SNX31: variants seen among roughly 807,000 people sequenced by gnomAD.
SNX31 encodes the protein sorting nexin-31.
Under a neutral mutation model 65.4 loss-of-function variants are expected in SNX31, and 58 were observed. That is an observed-to-expected ratio of 0.89 (90% CI 0.72 to 1.10). SNX31 has a LOEUF of 1.10. SNX31 is among the 50% of genes least tolerant of loss of function. The pLI is 0.00. For missense variants in SNX31, 523 were observed against 529.7 expected (o/e 0.99, Z 0.12); for synonymous variants, 181 against 190.1 (o/e 0.95, Z 0.39).
At chr8:100,655,530 G>A (rs937457365) in intron 1 of SNX31, among the ~76,000 whole-genome samples, 13 of 152,134 alleles carry the variant, frequency 8.5e-5, no homozygotes, top group Non-Finnish European at 1.5e-4. Context: ...CTTTTGCTTG[G>A]CTCATTCTCT....
chr8:100,646,296 C>G (rs1819633724), intron 2 of SNX31, among the ~76,000 whole-genome samples: 1 of 152,022 alleles, frequency 6.6e-6, no homozygotes, highest in Admixed American at 6.6e-5. Context: ...GTTATGGTGG[C>G]AAATCAGGTT....
chr8:100,581,319 C>CTATATATATATATATA (rs1261112864), intron 12 of SNX31, among the ~76,000 whole-genome samples: 6 of 123,050 alleles, frequency 4.9e-5, no homozygotes, highest in African/African-American at 2.4e-4. Context: ...TTTTATATAT[C>CTATATATATATATATA]TATATCTATC....
At chr8:100,597,332 C>A (rs1296294805) in intron 9 of SNX31, among the ~76,000 whole-genome samples, 1 of 152,014 alleles carries the variant, frequency 6.6e-6, no homozygotes, top group East Asian at 1.9e-4. Flanking sequence ...ACCTCCGACT[C>A]CCTGGTTCAA....
rs1020459667 is a variant in SNX31, at chr8:100,610,329, G to A, written c.611+1671C>T. On this transcript the variant is annotated intron_variant, in intron 7 of 13. Transcript: ENST00000311812. The surrounding 1 kb of genome is among the most constrained non-coding windows in gnomAD (Gnocchi z 4.0). ...CCTTTGATCTCAGGTTTTATGAAGC[G>A]CACATGAGTGAAAATCTAAGCCCCA... 2.0e-5 allele frequency among the ~76,000 whole-genome samples: 3 copies of A among 150,000 alleles called. No homozygotes were observed. Among genetic ancestry groups the A allele is most frequent in the African/African-American group, 4.9e-5 (2 of 40,618 alleles).
chr8:100,576,603 T>A lies in SNX31; in HGVS notation c.1227+416A>T, dbSNP rs1813065514. Among the ~76,000 whole-genome samples, 1 of 152,208 alleles carries A rather than the reference T, an allele frequency of 6.6e-6. No homozygotes were observed. The highest frequency in any genetic ancestry group is 2.1e-4 in the South Asian group (1 of 4,830). On this transcript the variant is annotated intron_variant, in intron 13 of 13. Transcript: ENST00000311812. This position sits in a 1 kb window ranked among gnomAD's most constrained non-coding sequence, Gnocchi z 4.8. ...TCATTGATTGTGATTTTTTCTATTA[T>A]TATCTGCACAGCAGATCTAAATGCT...
rs572122803 is a variant in SNX31, at chr8:100,615,600, T to C, written c.432+2020A>G. On this transcript the variant is annotated intron_variant, in intron 5 of 13. Coordinates refer to ENST00000311812, the MANE Select transcript of SNX31 (RefSeq NM_152628.4). ...CGAAGTGAACTTACACAAATCTAAA[T>C]GGTATTGCCTGCTATACACCTAGGC... Among the ~76,000 whole-genome samples, 7 of 152,286 alleles carry C rather than the reference T, an allele frequency of 4.6e-5. No homozygotes were observed. The East Asian group carries it at 1.2e-3, about 25-fold the overall frequency.
In SNX31 at chr8:100,604,544, C is replaced by T. The variant is rs1206945292; in HGVS notation, c.681+3950G>A. On this transcript the variant is annotated intron_variant, in intron 8 of 13. Coordinates refer to ENST00000311812, the MANE Select transcript of SNX31 (RefSeq NM_152628.4). This position sits in a 1 kb window ranked among gnomAD's most constrained non-coding sequence, Gnocchi z 4.3. ...CCCCTCCACTCACCAAGCCATGGGCCCCGATGCAGGACTAGCCCCACCTGG... is the reference window on the plus strand; with the variant it reads ...CCCCTCCACTCACCAAGCCATGGGCTCCGATGCAGGACTAGCCCCACCTGG... Among the ~76,000 whole-genome samples, 1 of 152,240 alleles carries T rather than the reference C, an allele frequency of 6.6e-6. No individual in the cohort carries two copies. The highest frequency in any genetic ancestry group is 1.5e-5 in the Non-Finnish European group (1 of 68,050).
Position 100,600,391 on chromosome 8 carries a change from C to T in SNX31, c.732G>A (p.Arg244=), listed in dbSNP as rs778177317. 1 of 1,613,778 alleles carries T rather than the reference C, an allele frequency of 6.2e-7. No individual in the cohort carries two copies. The highest frequency in any genetic ancestry group is 8.5e-7 in the Non-Finnish European group (1 of 1,179,802). The change falls in exon 9 of 14, where the codon AGG becomes AGA. Residue 244 remains arginine, a synonymous_variant. Coordinates refer to ENST00000311812, the MANE Select transcript of SNX31 (RefSeq NM_152628.4). ...KGWAKPTQAQ[R]QKLEAFQKED... Reference sequence around the variant, plus strand: ...CTTTCTGGAAAGCTTCTAATTTCTGCCTCTGTGCCTGTGTGGGTTTGGCCC... The same window carrying T: ...CTTTCTGGAAAGCTTCTAATTTCTGTCTCTGTGCCTGTGTGGGTTTGGCCC...
intron 2 of SNX31, among the ~76,000 whole-genome samples, chr8:100,640,689 C>T (rs1249427738): frequency 2.0e-5 from 3 of 152,054 alleles, no homozygotes; most frequent in East Asian, 3.9e-4. Flanking sequence ...TCTTCATCCC[C>T]CCAACCCATA....
In SNX31 at chr8:100,573,061, A is replaced by G. The variant is rs1268076303; in HGVS notation, c.*804T>C. On this transcript the variant is annotated 3_prime_UTR_variant, in exon 14 of 14. Coordinates refer to ENST00000311812, the MANE Select transcript of SNX31 (RefSeq NM_152628.4). ...ATTACCATGAGAGAAATGAAGCTAG[A>G]TAAGGAAAAACCTTGTGAGAAAGTA... 6.6e-6 allele frequency: 1 copy of G among 152,618 alleles called. No homozygotes were observed. Among genetic ancestry groups the G allele is most frequent in the Non-Finnish European group, 1.5e-5 (1 of 68,036 alleles). 9.5% of individuals were successfully genotyped at this position (152,618 alleles called of 1,614,324 possible). A position where few individuals can be genotyped will look rare whatever the true frequency, so the allele number is the denominator to read the frequency against.
intron 4 of SNX31, chr8:100,619,887 G>A (rs1444000986): frequency 1.3e-5 from 2 of 152,220 alleles, no homozygotes; most frequent in African/African-American, 2.4e-5. Flanking sequence ...TCTGTGTTTG[G>A]AGACTGCTAT....
At chr8:100,577,313 T>C (rs1251542388) in intron 12 of SNX31, among the ~76,000 whole-genome samples, 1 of 152,246 alleles carries the variant, frequency 6.6e-6, no homozygotes, top group Non-Finnish European at 1.5e-5. Flanking sequence ...CATTAGTGGT[T>C]GCCTATGGAT....
chr8:100,618,553 C>T, intron 4 of SNX31: 1 of 555,648 alleles, frequency 1.8e-6, no homozygotes, highest in Non-Finnish European at 3.2e-6. Flanking sequence ...ACAAGACTAC[C>T]CCCTTCACAT....
Position 100,578,688 on chromosome 8 carries a change from TA to T in SNX31, c.1171-1614del, listed in dbSNP as rs1813246831. Among the ~76,000 whole-genome samples the T allele has an allele frequency of 1.7e-5, 2 of 117,798 alleles. No homozygotes were observed. Among genetic ancestry groups the T allele is most frequent in the Admixed American group, 1.0e-4 (1 of 9,830 alleles). 77.3% of individuals were successfully genotyped at this position (117,798 alleles called of 152,430 possible). On this transcript the variant is annotated intron_variant, in intron 12 of 13. Coordinates refer to ENST00000311812, the MANE Select transcript of SNX31 (RefSeq NM_152628.4). This position sits in a 1 kb window ranked among gnomAD's most constrained non-coding sequence, Gnocchi z 4.7. ...ATTTAAGCCTATTTCAATGATTTTT[TA>T]TTTTATTTTATTTTATTTTATTTTA... is the stretch of plus-strand genomic sequence containing the variant.
At chr8:100,579,382 C>G (rs769484180) in intron 12 of SNX31, among the ~76,000 whole-genome samples, 3 of 152,114 alleles carry the variant, frequency 2.0e-5, no homozygotes, top group Non-Finnish European at 4.4e-5. Flanking sequence ...TGCAGTATTC[C>G]TATACTTCCT....
intron 10 of SNX31, among the ~76,000 whole-genome samples, chr8:100,590,327 T>G (rs778921506): frequency 1.3e-5 from 2 of 152,212 alleles, no homozygotes; most frequent in African/African-American, 2.4e-5. Flanking sequence ...GTGTGGTAGC[T>G]CATGCCTGTA....
In SNX31 at chr8:100,573,926, C is replaced by CTTTTTTTTTTTTTTTTT. The variant is rs752425672; in HGVS notation, c.1261_1262insAAAAAAAAAAAAAAAAA (p.Ser421LysfsTer11). ...GTCATCTTTAGCTATCTTAATCTTGCTTTTTCTTGATAGAAAACTAGAATA... is the reference window on the plus strand; with the variant it reads ...GTCATCTTTAGCTATCTTAATCTTGCTTTTTTTTTTTTTTTTTTTTTTCTTGATAGAAAACTAGAATA... On this transcript the variant is annotated frameshift_variant, in exon 14 of 14. Transcript: ENST00000311812. LOFTEE classifies it high-confidence loss of function. 1.3e-6 allele frequency: 2 copies of CTTTTTTTTTTTTTTTTT among 1,586,994 alleles called. No individual in the cohort carries two copies. Among genetic ancestry groups the CTTTTTTTTTTTTTTTTT allele is most frequent in the Admixed American group, 3.7e-5 (2 of 54,282 alleles).
At position 100,660,267 on chromosome 8, in the gene SNX31, G is replaced by A. The variant is rs2131317080; in HGVS notation, c.-58+2875C>T. On this transcript the variant is annotated intron_variant, in intron 1 of 5. Transcript: ENST00000520352. The surrounding 1 kb of genome is among the most constrained non-coding windows in gnomAD (Gnocchi z 4.1). ...TTAGCAGTAGTAATAATAGTAGAAT[G>A]CTGATTTTCAGATTAAAAAACTAAA... Among the ~76,000 whole-genome samples the A allele has an allele frequency of 6.6e-6, 1 of 152,326 alleles. No individual in the cohort carries two copies. Among genetic ancestry groups the A allele is most frequent in the African/African-American group, 2.4e-5 (1 of 41,574 alleles).
intron 4 of SNX31, chr8:100,618,433 C>T (rs1314744473): frequency 3.4e-6 from 3 of 888,006 alleles, no homozygotes; most frequent in African/African-American, 3.3e-5. Context: ...ATGTAGCAAC[C>T]AATTCTCCAG....
Sources: allele counts gnomAD v4.1 joint callset (sites outside exome capture counted in the v4.1 genomes callset), GRCh38; gene constraint gnomAD v4.1.1; non-coding constraint Gnocchi (gnomAD v3.1); transcripts MANE v1.5; gene names NCBI Gene and HGNC (gene_info 2026-07-23, HGNC 2026-07-21).